The following CRTAC1 variants were observed in gnomAD, a reference collection of about 807,000 sequenced individuals.
CRTAC1 encodes cartilage acidic protein 1.
In CRTAC1, 37 loss-of-function variants were observed where a neutral mutation model predicts 67.8. The ratio of observed to expected loss-of-function variants is 0.55; its 90% CI spans 0.42 to 0.72. The LOEUF is 0.72. Ranked by LOEUF, CRTAC1 falls within the 30% of genes least tolerant of loss-of-function variation. CRTAC1 has a pLI of 0.00. For missense variants in CRTAC1, 780 were observed against 931.6 expected (o/e 0.84, Z 2.12); for synonymous variants, 348 against 371.0 (o/e 0.94, Z 0.71).
intron 5 of CRTAC1, among the ~76,000 whole-genome samples, chr10:97,913,554 C>T (rs2050718923): frequency 6.6e-6 from 1 of 152,204 alleles, no homozygotes; most frequent in South Asian, 2.1e-4. Flanking sequence ...ACAAAAATTA[C>T]ATTTCAATTC....
chr10:97,894,545 G>A (rs1193000253), intron 11 of CRTAC1, among the ~76,000 whole-genome samples: 3 of 150,468 alleles, frequency 2.0e-5, no homozygotes, highest in South Asian at 2.1e-4. Flanking sequence ...ACAGGCATGC[G>A]CCACCACGCT....
intron 5 of CRTAC1, among the ~76,000 whole-genome samples, chr10:97,913,579 G>C (rs554498257): frequency 1.3e-5 from 2 of 152,278 alleles, no homozygotes; most frequent in South Asian, 2.1e-4. Flanking sequence ...ACATATCTGT[G>C]TTTGTTTTAA....
chr10:97,984,221 C>A (rs2051944401), intron 2 of CRTAC1, among the ~76,000 whole-genome samples: 1 of 152,178 alleles, frequency 6.6e-6, no homozygotes, highest in South Asian at 2.1e-4. Flanking sequence ...AGCTCTCAGG[C>A]TTGGAAACGT....
intron 2 of CRTAC1, among the ~76,000 whole-genome samples, chr10:97,945,016 A>G (rs547352097): frequency 3.5e-4 from 53 of 152,374 alleles, no homozygotes; most frequent in Non-Finnish European, 5.9e-4. Flanking sequence ...TGATTGGCAG[A>G]ATAGTGAAAA....
At chr10:97,886,597 G>A (rs963052666) in intron 11 of CRTAC1, among the ~76,000 whole-genome samples, 38 of 152,098 alleles carry the variant, frequency 2.5e-4, no homozygotes, top group Non-Finnish European at 5.0e-4. Context: ...CTGCAGAAGC[G>A]GGGTGAAAAT....
At chr10:97,899,599 A>G (rs2050505210) in intron 8 of CRTAC1, among the ~76,000 whole-genome samples, 1 of 152,256 alleles carries the variant, frequency 6.6e-6, no homozygotes, top group African/African-American at 2.4e-5. Context: ...TTTATCTGGA[A>G]GTTGTGAATA....
intron 2 of CRTAC1, among the ~76,000 whole-genome samples, chr10:97,951,689 A>G (rs531813783): frequency 6.6e-6 from 1 of 152,382 alleles, no homozygotes; most frequent in African/African-American, 2.4e-5. Context: ...TTTAATTACA[A>G]ATGAAAGGTA....
chr10:98,014,009 G>A (rs996776196), intron 1 of CRTAC1, among the ~76,000 whole-genome samples: 1 of 152,190 alleles, frequency 6.6e-6, no homozygotes, highest in Admixed American at 6.5e-5. Context: ...TGCACCCACC[G>A]GGCTTCTCAG....
chr10:97,884,391 G>A, intron 11 of CRTAC1, 40 bp from the exon 12 acceptor site: 1 of 1,530,608 alleles, frequency 6.5e-7, no homozygotes, highest in Non-Finnish European at 8.8e-7. Context: ...GCAGAGGAGA[G>A]CAGGAGGCTC....
chr10:97,906,495 T>C (rs1402278366), intron 6 of CRTAC1, among the ~76,000 whole-genome samples: 1 of 152,134 alleles, frequency 6.6e-6, no homozygotes, highest in Non-Finnish European at 1.5e-5. Flanking sequence ...ACCTTGCCTC[T>C]CTCCTCCCGC....
At chr10:97,878,769 A>G in intron 14 of CRTAC1, 1 of 1,235,398 alleles carries the variant, frequency 8.1e-7, no homozygotes, top group South Asian at 1.3e-5. Flanking sequence ...AAAGGCCCTT[A>G]GGGATATACC....
intron 5 of CRTAC1, among the ~76,000 whole-genome samples, chr10:97,913,948 T>G (rs1029096051): frequency 3.3e-5 from 5 of 152,232 alleles, no homozygotes; most frequent in African/African-American, 1.2e-4. Flanking sequence ...TGCCCTCCGC[T>G]TTGTTCCATA....
At chr10:97,994,622 C>G (rs2136676279) in intron 2 of CRTAC1, among the ~76,000 whole-genome samples, 1 of 152,270 alleles carries the variant, frequency 6.6e-6, no homozygotes, top group South Asian at 2.1e-4. Context: ...CAGGTTCCTC[C>G]ATGAGATGGG....
intron 2 of CRTAC1, among the ~76,000 whole-genome samples, chr10:97,969,482 C>T (rs775108169): frequency 1.3e-5 from 2 of 152,138 alleles, no homozygotes; most frequent in African/African-American, 2.4e-5. Context: ...TGCATTTTTC[C>T]CTGTCAATAT....
chr10:97,911,968 C>T (rs1286404495), intron 5 of CRTAC1, among the ~76,000 whole-genome samples: 1 of 152,228 alleles, frequency 6.6e-6, no homozygotes, highest in Non-Finnish European at 1.5e-5. Context: ...CCAGCGCATT[C>T]TCTCGGAGCT....
At chr10:97,920,828 A>C (rs2050826302) in intron 4 of CRTAC1, among the ~76,000 whole-genome samples, 1 of 152,250 alleles carries the variant, frequency 6.6e-6, no homozygotes, top group South Asian at 2.1e-4. Context: ...AAAGTCTTTG[A>C]AAAGATAAAA....
chr10:97,878,706 C>A, intron 14 of CRTAC1: 3 of 1,303,826 alleles, frequency 2.3e-6, no homozygotes, highest in South Asian at 1.2e-5. Flanking sequence ...ATCAGAGTAA[C>A]CTGAGATGAG....
intron 3 of CRTAC1, among the ~76,000 whole-genome samples, chr10:97,933,652 T>C (rs1046296110): frequency 8.5e-5 from 13 of 152,166 alleles, no homozygotes; most frequent in African/African-American, 2.9e-4. Context: ...GAGGATAGAG[T>C]GTGAACTTCA....
chr10:97,933,379 C>T (rs574326605), intron 3 of CRTAC1, among the ~76,000 whole-genome samples: 88 of 152,386 alleles, frequency 5.8e-4, no homozygotes, highest in African/African-American at 2.1e-3. Context: ...GCCCAGGGCC[C>T]TTCTGGCGCC....
Sources: gnomAD v4.1 joint callset for allele counts (sites outside exome capture counted in the v4.1 genomes callset) on GRCh38, gnomAD v4.1.1 for gene constraint, MANE v1.5 for transcripts, NCBI Gene and HGNC (gene_info 2026-07-23, HGNC 2026-07-21) for gene names.